ZNF93: variants seen among roughly 807,000 people sequenced by gnomAD.
ZNF93 encodes zinc finger protein 505.
ZNF93 carries 29 observed loss-of-function variants against 45.0 expected under a neutral mutation model. The observed-to-expected ratio is 0.64, with a 90% CI of 0.48 to 0.88. The LOEUF (loss-of-function observed/expected upper bound fraction) is 0.88. ZNF93 is among the 40% of genes least tolerant of loss of function. The pLI is 0.00. For synonymous variants in ZNF93, 223 were observed against 244.6 expected (o/e 0.91, Z 0.82); for missense variants, 578 against 724.0 (o/e 0.80, Z 2.31).
chr19:19,934,514 A>G lies in ZNF93; in HGVS notation c.1559A>G (p.Gln520Arg), dbSNP rs754554717. 5.6e-6 allele frequency: 9 copies of G among 1,612,922 alleles called. No homozygotes were observed. In the Admixed American group the frequency reaches 8.3e-5, roughly 15 times the overall value. The part of the protein sequence containing the change: ...KCEECGKAFN[Q>R]SSTLIKHKKI... ...GAAGAATGTGGCAAAGCTTTTAACC[A>G]GTCCTCAACCCTTATTAAACATAAG... Residue 520 changes from glutamine to arginine, a missense_variant, in exon 4 of 4, where the codon CAG becomes CGG. By Grantham distance (43) the Gln-to-Arg change is conservative. Around this residue, in one of 3 missense-constraint regions of ZNF93, gnomAD observed 119 missense variants for 123.1 expected, o/e 0.97. Transcript: ENST00000343769.
chr19:19,915,181 A>G lies in ZNF93; in HGVS notation c.4-99A>G, dbSNP rs893563179. On this transcript the variant is annotated intron_variant, in intron 1 of 3. Transcript: ENST00000343769. ...TTGGATAATTTTAGTCAGTCCTATAAGTCAGAACCACTTCTCTTTACTCTC... is the reference window on the plus strand; with the variant it reads ...TTGGATAATTTTAGTCAGTCCTATAGGTCAGAACCACTTCTCTTTACTCTC... The G allele has an allele frequency of 3.1e-6, 5 of 1,600,244 alleles. No homozygotes were observed. The African/African-American group carries it at 6.7e-5, about 22-fold the overall frequency.
At chr19:19,920,161 G>A (rs1599570312) in intron 3 of ZNF93, among the ~76,000 whole-genome samples, 1 of 152,238 alleles carries the variant, frequency 6.6e-6, no homozygotes, top group Admixed American at 6.5e-5. Flanking sequence ...TTAGCATGAA[G>A]GGCTGTTGAA....
At position 19,934,681 on chromosome 19, in the gene ZNF93, C is replaced by T; in HGVS notation, c.1726C>T (p.His576Tyr). ...RCRECGKAFNHSATLSSHKKI... is the reference protein window; with the variant it reads ...RCRECGKAFNYSATLSSHKKI... ...TAGAGAATGTGGCAAAGCTTTTAAC[C>T]ATTCTGCAACCCTTTCTTCACATAA... The change falls in exon 4 of 4, where the codon CAT (histidine) becomes TAT (tyrosine). Residue 576 changes from histidine (H) to tyrosine (Y), a missense_variant. Around this residue, in one of 3 missense-constraint regions of ZNF93, gnomAD observed 119 missense variants for 123.1 expected, o/e 0.97. Transcript: ENST00000343769. 1.9e-6 allele frequency: 3 copies of T among 1,613,382 alleles called. No homozygotes were observed. The highest frequency in any genetic ancestry group is 2.5e-6 in the Non-Finnish European group (3 of 1,179,768).
intron 3 of ZNF93, among the ~76,000 whole-genome samples, chr19:19,921,798 A>C (rs2063343148): frequency 6.6e-6 from 1 of 151,822 alleles, no homozygotes; most frequent in South Asian, 2.1e-4. Context: ...TTTGCTTGGT[A>C]GATCTTCCTC....
At position 19,915,376 on chromosome 19, in the gene ZNF93, T is replaced by C. The variant is rs1046349062; in HGVS notation, c.100T>C (p.Leu34=). 17 of 1,613,876 alleles carry C rather than the reference T, an allele frequency of 1.1e-5. No individual in the cohort carries two copies. In the African/African-American group the frequency reaches 2.3e-4, roughly 22 times the overall value. ...AQRNLYRNVM[L]ENYSNLVFLG... is the part of the protein sequence containing the mutation. Reference sequence around the variant, plus strand: ...GCGGAATCTATATAGGAATGTGATGTTAGAGAACTACAGTAACCTGGTCTT... The same window carrying C: ...GCGGAATCTATATAGGAATGTGATGCTAGAGAACTACAGTAACCTGGTCTT... The change falls in exon 2 of 4, where the codon TTA becomes CTA. Residue 34 remains leucine (L), a synonymous_variant. Coordinates refer to ENST00000343769, the MANE Select transcript of ZNF93 (RefSeq NM_031218.4).
chr19:19,929,937 C>A (rs1314392528), intron 3 of ZNF93, among the ~76,000 whole-genome samples: 44 of 57,686 alleles, frequency 7.6e-4, no homozygotes, highest in East Asian at 1.4e-3. Context: ...GACTCCGTCT[C>A]AAAAAAAAAA....
At chr19:19,925,265 C>T (rs972955856) in intron 3 of ZNF93, among the ~76,000 whole-genome samples, 1 of 152,196 alleles carries the variant, frequency 6.6e-6, no homozygotes, top group East Asian at 1.9e-4. Context: ...CTCCCCGGAT[C>T]TCAAATTTCT....
intron 1 of ZNF93, among the ~76,000 whole-genome samples, chr19:19,913,982 A>C (rs928976003): frequency 5.9e-5 from 9 of 152,074 alleles, no homozygotes; most frequent in African/African-American, 2.2e-4. Flanking sequence ...TAAAATTCCT[A>C]TGATGGTCAA....
intron 1 of ZNF93, among the ~76,000 whole-genome samples, chr19:19,913,363 T>A: frequency 6.6e-6 from 1 of 152,164 alleles, no homozygotes; most frequent in East Asian, 1.9e-4. Flanking sequence ...TTGTTGTGGG[T>A]GGAAGCATCC....
chr19:19,912,946 C>T (rs1181974035), intron 1 of ZNF93, among the ~76,000 whole-genome samples: 2 of 152,186 alleles, frequency 1.3e-5, no homozygotes, highest in African/African-American at 4.8e-5. Flanking sequence ...TCAGATATTG[C>T]TGTCTTCTGT....
intron 3 of ZNF93, among the ~76,000 whole-genome samples, chr19:19,922,671 G>A (rs559339194): frequency 1.2e-4 from 18 of 151,950 alleles, no homozygotes; most frequent in Middle Eastern, 3.4e-3. Context: ...TTCCCTTCTC[G>A]CTTCATTTCA....
rs181770436 is a variant in ZNF93 at position 19,920,208 on chromosome 19, T to A, written c.226+3553T>A. On this transcript the variant is annotated intron_variant, in intron 3 of 3. Coordinates refer to ENST00000343769, the MANE Select transcript of ZNF93 (RefSeq NM_031218.4). ...GCCTTTTCTGCAGCTATTGAGATAA[T>A]CATGTGGTTTTTGTTGTTGGTTCTG... Among the ~76,000 whole-genome samples, 909 of 152,312 alleles carry A rather than the reference T, an allele frequency of 6.0e-3. 12 individuals are homozygous for A. Among genetic ancestry groups the A allele is most frequent in the Non-Finnish European group, 7.0e-3 (478 of 68,024 alleles).
At chr19:19,912,850 C>T (rs992622202) in intron 1 of ZNF93, among the ~76,000 whole-genome samples, 1 of 152,156 alleles carries the variant, frequency 6.6e-6, no homozygotes, top group African/African-American at 2.4e-5. Flanking sequence ...GCACCGTGCT[C>T]TGTATCATAC....
rs746698214 is a variant in ZNF93 at position 19,915,350 on chromosome 19, A to G, written c.74A>G (p.Gln25Arg). 1.9e-6 allele frequency: 3 copies of G among 1,614,158 alleles called. No individual in the cohort carries two copies. The South Asian group carries it at 3.3e-5, about 18-fold the overall frequency. ...LEEWHCLDTA[Q>R]RNLYRNVMLE... ...GAGTGGCATTGCCTGGACACTGCAC[A>G]GCGGAATCTATATAGGAATGTGATG... Residue 25 changes from glutamine to arginine, a missense_variant, in exon 2 of 4, where the codon CAG (glutamine) becomes CGG (arginine). Physicochemically the swap from Gln to Arg is conservative, Grantham distance 43. This residue lies in a region of ZNF93 where 446 missense variants were observed against 547.6 expected (regional missense o/e 0.81). Transcript: ENST00000343769.
intron 1 of ZNF93, chr19:19,909,497 AG>A (rs2063301932): frequency 6.6e-6 from 1 of 152,264 alleles, no homozygotes; most frequent in Non-Finnish European, 1.5e-5. Context: ...TGGCCTCTTC[AG>A]TATCCAGGTG....
At chr19:19,916,344 T>C (rs890214453) in intron 2 of ZNF93, among the ~76,000 whole-genome samples, 21 of 152,232 alleles carry the variant, frequency 1.4e-4, no homozygotes, top group Admixed American at 3.3e-4. Flanking sequence ...ATGATCCACC[T>C]GCTTTGGCCT....
intron 1 of ZNF93, among the ~76,000 whole-genome samples, chr19:19,904,037 C>T (rs2063285139): frequency 7.2e-6 from 1 of 138,492 alleles, no homozygotes; most frequent in South Asian, 2.3e-4. Context: ...CCAGCCTGGG[C>T]AACAGAGCGA....
intron 3 of ZNF93, among the ~76,000 whole-genome samples, chr19:19,929,099 T>C (rs1599573184): frequency 1.3e-5 from 2 of 152,328 alleles, no homozygotes; most frequent in Non-Finnish European, 2.9e-5. Context: ...AAGTTTACAC[T>C]GTATCAATTC....
chr19:19,911,568 C>G (rs2063308237), intron 1 of ZNF93, among the ~76,000 whole-genome samples: 1 of 152,026 alleles, frequency 6.6e-6, no homozygotes, highest in African/African-American at 2.4e-5. Context: ...AGTCATAGTT[C>G]CTACAATCCA....
Sources: allele counts gnomAD v4.1 joint callset (sites outside exome capture counted in the v4.1 genomes callset), GRCh38; gene constraint gnomAD v4.1.1; regional missense constraint gnomAD v4.1.1; transcripts MANE v1.5; gene names NCBI Gene and HGNC (gene_info 2026-07-23, HGNC 2026-07-21).